Variants in SAMMSON observed in about 807,000 individuals in gnomAD.
SAMMSON encodes the protein survival associated mitochondrial melanoma specific oncogenic non-coding RNA.
In SAMMSON at chr3:70,070,316, T is replaced by A. The variant is rs562462701; in HGVS notation, n.418-1160T>A. On this transcript the variant is annotated intron_variant and non_coding_transcript_variant, in intron 3 of 9. Transcript: ENST00000642114. ...ATTAGACCACAGATCATATGGGGAT[T>A]TCATTAGTTTTTAGATGCACTCTAT... 1.3e-5 allele frequency: 2 copies of A among 152,128 alleles called. 1 individual carries two copies. Among genetic ancestry groups the A allele is most frequent in the East Asian group, 3.9e-4 (2 of 5,154 alleles). 9.4% of individuals were successfully genotyped at this position (152,128 alleles called of 1,614,324 possible).
At chr3:70,269,321 G>A (rs1340198793) in intron 6 of SAMMSON, among the ~76,000 whole-genome samples, 2 of 151,996 alleles carry the variant, frequency 1.3e-5, no homozygotes, top group East Asian at 3.8e-4. Flanking sequence ...TTTCACATTC[G>A]AGCTAAAGGT....
intron 4 of SAMMSON, among the ~76,000 whole-genome samples, chr3:70,155,454 G>T (rs551530745): frequency 6.6e-6 from 1 of 152,068 alleles, no homozygotes; most frequent in South Asian, 2.1e-4. Flanking sequence ...CCTAATTTAG[G>T]TCATTCCTAT....
chr3:70,193,241 G>A (rs1443289948), intron 4 of SAMMSON, among the ~76,000 whole-genome samples: 3 of 152,126 alleles, frequency 2.0e-5, no homozygotes, highest in Non-Finnish European at 4.4e-5. Context: ...AATATTAGGA[G>A]CAATTCAGAC....
chr3:70,079,205 C>A (rs542401051), intron 4 of SAMMSON, among the ~76,000 whole-genome samples: 1 of 152,268 alleles, frequency 6.6e-6, no homozygotes, highest in South Asian at 2.1e-4. Context: ...CTCTATGAGT[C>A]TCTGGCTAAG....
At chr3:70,338,651 A>G (rs1380070962) in intron 7 of SAMMSON, among the ~76,000 whole-genome samples, 14 of 152,182 alleles carry the variant, frequency 9.2e-5, no homozygotes, top group Non-Finnish European at 1.6e-4. Flanking sequence ...CCCATTCACA[A>G]CTGCTTCAAA....
At chr3:70,283,113 T>C (rs1702105507) in intron 6 of SAMMSON, among the ~76,000 whole-genome samples, 1 of 152,064 alleles carries the variant, frequency 6.6e-6, no homozygotes, top group Admixed American at 6.6e-5. Flanking sequence ...AATAATAAAG[T>C]CAAGAAAATG....
At chr3:70,006,982 A>C (rs1316578152) in intron 1 of SAMMSON, among the ~76,000 whole-genome samples, 2 of 151,798 alleles carry the variant, frequency 1.3e-5, no homozygotes, top group Non-Finnish European at 2.9e-5. Flanking sequence ...TGAACTCATC[A>C]TTTTTTATGG....
chr3:70,018,024 G>A (rs1015872892), intron 3 of SAMMSON, among the ~76,000 whole-genome samples: 3 of 152,098 alleles, frequency 2.0e-5, no homozygotes, highest in East Asian at 3.9e-4. Flanking sequence ...ATGTTCATCA[G>A]GGATATTGGT....
chr3:70,341,679 G>A (rs887409758), intron 7 of SAMMSON, among the ~76,000 whole-genome samples: 1 of 152,094 alleles, frequency 6.6e-6, no homozygotes, highest in African/African-American at 2.4e-5. Flanking sequence ...ATATAAATGT[G>A]ATGCCTGGAG....
intron 2 of SAMMSON, among the ~76,000 whole-genome samples, chr3:70,410,267 A>G (rs1701207522): frequency 1.3e-5 from 2 of 152,214 alleles, no homozygotes; most frequent in African/African-American, 4.8e-5. Flanking sequence ...CCTATTTTAG[A>G]AAACCAGGTA....
rs189909478 is a variant in SAMMSON at position 70,291,724 on chromosome 3, A to G, written n.739+481A>G. 14 of 152,322 alleles carry G rather than the reference A, an allele frequency of 9.2e-5. No homozygotes were observed. The East Asian group carries it at 2.5e-3, about 27-fold the overall frequency. 9.4% of individuals were successfully genotyped at this position (152,322 alleles called of 1,614,324 possible). ...ACAAAACTCCTGTGAGTCACTGACA[A>G]CAGATTAGAAAATGACAGTTCAAGA... On this transcript the variant is annotated intron_variant and non_coding_transcript_variant, in intron 7 of 9. Coordinates refer to ENST00000642114, the Ensembl canonical transcript of SAMMSON.
rs560272397 is a variant in SAMMSON at position 70,356,187 on chromosome 3, CT to C, written n.842+1916del. On this transcript the variant is annotated intron_variant and non_coding_transcript_variant, in intron 8 of 9. Transcript: ENST00000642114. The stretch of plus-strand genomic sequence containing the variant: ...AAGTGAAATTGTTCCCCTTCATTAA[CT>C]TTTTTACAAAATCATTGGCTTTTTA... Among the ~76,000 whole-genome samples the C allele has an allele frequency of 3.8e-3, 585 of 152,112 alleles. 3 individuals carry two copies. Among genetic ancestry groups the C allele is most frequent in the African/African-American group, 0.013 (542 of 41,504 alleles).
intron 7 of SAMMSON, among the ~76,000 whole-genome samples, chr3:70,312,272 GAAAC>G (rs1350702929): frequency 6.6e-6 from 1 of 152,280 alleles, no homozygotes. Context: ...GGATTTGTAA[GAAAC>G]AAACAAACAT....
intron 4 of SAMMSON, among the ~76,000 whole-genome samples, chr3:70,216,455 A>G (rs560268063): frequency 9.9e-5 from 15 of 152,064 alleles, no homozygotes; most frequent in Non-Finnish European, 1.8e-4. Flanking sequence ...CATTTTTCAC[A>G]TGAGGACACA....
intron 3 of SAMMSON, among the ~76,000 whole-genome samples, chr3:70,029,531 A>G (rs1377974960): frequency 6.6e-6 from 1 of 152,102 alleles, no homozygotes; most frequent in Non-Finnish European, 1.5e-5. Context: ...AGGTGGGCAG[A>G]TCAGTTGAGG....
intron 4 of SAMMSON, chr3:70,125,261 ATC>A: frequency 7.9e-7 from 1 of 1,273,234 alleles, no homozygotes; most frequent in South Asian, 1.2e-5. Flanking sequence ...ATCAAACATG[ATC>A]TACTGTGTTT....
chr3:70,204,281 AT>A (rs1408842795), intron 4 of SAMMSON, among the ~76,000 whole-genome samples: 13 of 152,086 alleles, frequency 8.5e-5, no homozygotes, highest in Non-Finnish European at 1.8e-4. Flanking sequence ...ATATTTCTGT[AT>A]TTATCTCAGT....
rs190716136 is a variant in SAMMSON, at chr3:70,320,981, T to A, written n.739+29738T>A. Reference sequence around the variant, plus strand: ...AGGGAGGCAGTGTTAAACAAGTTAATGAAAGTAAAGAGCTTGGAAAAAAAC... The same window carrying A: ...AGGGAGGCAGTGTTAAACAAGTTAAAGAAAGTAAAGAGCTTGGAAAAAAAC... On this transcript the variant is annotated intron_variant and non_coding_transcript_variant, in intron 7 of 9. Coordinates refer to ENST00000642114, the Ensembl canonical transcript of SAMMSON. 1.1e-3 allele frequency among the ~76,000 whole-genome samples: 168 copies of A among 152,050 alleles called. 1 individual carries two copies. The highest frequency in any genetic ancestry group is 1.7e-3 in the Non-Finnish European group (117 of 67,946).
chr3:70,251,840 T>C (rs758793285), intron 6 of SAMMSON, among the ~76,000 whole-genome samples: 67 of 152,224 alleles, frequency 4.4e-4, no homozygotes, highest in Admixed American at 7.9e-4. Flanking sequence ...AAACTGCAGC[T>C]GACTCATAGA....
Sources: allele counts gnomAD v4.1 joint callset (sites outside exome capture counted in the v4.1 genomes callset), GRCh38; gene constraint gnomAD v4.1.1; transcripts MANE v1.5; gene names NCBI Gene and HGNC (gene_info 2026-07-23, HGNC 2026-07-21).